Variants in ELMO1 observed in about 807,000 individuals in gnomAD.
ELMO1 encodes engulfment and cell motility 1.
ELMO1 carries 26 observed loss-of-function variants against 98.9 expected under a neutral mutation model. That is an observed-to-expected ratio of 0.26 (90% CI 0.19 to 0.36). The LOEUF is 0.36. Among genes scored for constraint, ELMO1 ranks in the 10% least tolerant of loss-of-function variants. The pLI is 1.00. For synonymous variants in ELMO1, 346 were observed against 346.0 expected (o/e 1.00, Z 0.00); for missense variants, 627 against 935.2 (o/e 0.67, Z 4.30).
chr7:36,869,104 T>C (rs1443272092), intron 20 of ELMO1, among the ~76,000 whole-genome samples: 1 of 152,214 alleles, frequency 6.6e-6, no homozygotes, highest in Non-Finnish European at 1.5e-5. Context: ...TGTCTCCCCA[T>C]AGCATGGAGA....
intron 6 of ELMO1, among the ~76,000 whole-genome samples, chr7:37,245,589 C>T (rs1390234526): frequency 1.3e-5 from 2 of 152,220 alleles, no homozygotes; most frequent in South Asian, 4.1e-4. Context: ...TTTACTATTT[C>T]CCATCCTTCC....
At chr7:36,986,167 T>G (rs974962980) in intron 16 of ELMO1, 2 of 985,778 alleles carry the variant, frequency 2.0e-6, no homozygotes, top group Non-Finnish European at 2.4e-6. Context: ...CTTATGTTTA[T>G]GGAGCTGGAG....
intron 16 of ELMO1, among the ~76,000 whole-genome samples, chr7:36,943,022 T>G (rs548251298): frequency 5.4e-4 from 83 of 152,304 alleles, no homozygotes; most frequent in Middle Eastern, 3.4e-3. Context: ...CAGGCTGGCA[T>G]GTGGGACAGT....
intron 16 of ELMO1, among the ~76,000 whole-genome samples, chr7:36,933,403 C>G (rs1035851118): frequency 3.3e-5 from 5 of 152,366 alleles, no homozygotes; most frequent in African/African-American, 1.2e-4. Context: ...TACATCTGCA[C>G]TCTTATCTTG....
intron 15 of ELMO1, among the ~76,000 whole-genome samples, chr7:37,068,796 G>A (rs1439795814): frequency 6.6e-6 from 1 of 152,084 alleles, no homozygotes; most frequent in Non-Finnish European, 1.5e-5. Flanking sequence ...ATCCCCTTTA[G>A]GAGGTCTGGG....
chr7:37,302,266 G>A (rs1184497095), intron 4 of ELMO1, among the ~76,000 whole-genome samples: 1 of 152,170 alleles, frequency 6.6e-6, no homozygotes, highest in African/African-American at 2.4e-5. Context: ...CCATAGCTGG[G>A]ACAACAGGTG....
At chr7:37,388,461 G>C (rs1802912271) in intron 1 of ELMO1, among the ~76,000 whole-genome samples, 2 of 149,130 alleles carry the variant, frequency 1.3e-5, no homozygotes, top group Admixed American at 6.7e-5. Flanking sequence ...ACATTTCAAA[G>C]AATGACATTT....
intron 18 of ELMO1, among the ~76,000 whole-genome samples, chr7:36,881,579 G>A (rs1322849510): frequency 6.6e-6 from 1 of 152,112 alleles, no homozygotes; most frequent in East Asian, 1.9e-4. Context: ...TTACTAATGA[G>A]AGTACGTTAA....
intron 2 of ELMO1, among the ~76,000 whole-genome samples, chr7:37,328,826 C>T (rs1449462842): frequency 6.6e-6 from 1 of 152,212 alleles, no homozygotes; most frequent in East Asian, 1.9e-4. Flanking sequence ...CTGTCTCAGA[C>T]CATTTCAACC....
intron 1 of ELMO1, among the ~76,000 whole-genome samples, chr7:37,389,789 G>A (rs911802998): frequency 9.9e-5 from 15 of 151,982 alleles, no homozygotes; most frequent in Admixed American, 4.6e-4. Flanking sequence ...TCTACCTAGG[G>A]GTATGCGTAA....
chr7:37,386,147 A>G (rs1802793233), intron 1 of ELMO1, among the ~76,000 whole-genome samples: 1 of 152,236 alleles, frequency 6.6e-6, no homozygotes, highest in Non-Finnish European at 1.5e-5. Flanking sequence ...TCCTTGAGGA[A>G]TTAGCATACT....
intron 16 of ELMO1, among the ~76,000 whole-genome samples, chr7:36,969,758 G>A (rs1789757551): frequency 6.6e-6 from 1 of 152,096 alleles, no homozygotes; most frequent in Non-Finnish European, 1.5e-5. Context: ...TCAAAAGGTG[G>A]CTACATCTAG....
chr7:36,934,477 T>G (rs1052022327), intron 16 of ELMO1, among the ~76,000 whole-genome samples: 1 of 129,666 alleles, frequency 7.7e-6, no homozygotes, highest in Non-Finnish European at 1.7e-5. Context: ...CCCAGGGAAA[T>G]GGGAACCCTC....
chr7:37,196,670 T>C lies in ELMO1; in HGVS notation c.1086+14716A>G, dbSNP rs79325601. Among the ~76,000 whole-genome samples, 33 of 152,338 alleles carry C rather than the reference T, an allele frequency of 2.2e-4. No homozygotes were observed. In the East Asian group the frequency reaches 5.6e-3, roughly 26 times the overall value. On this transcript the variant is annotated intron_variant, in intron 13 of 21. Transcript: ENST00000310758. ...CATCTATTTCACTGCCTTGCTCCCATGAGTGTCTGAACCTGCGACTAAACA... is the reference window on the plus strand; with the variant it reads ...CATCTATTTCACTGCCTTGCTCCCACGAGTGTCTGAACCTGCGACTAAACA...
chr7:37,320,588 T>C lies in ELMO1; in HGVS notation c.79-4628A>G, dbSNP rs149344919. Among the ~76,000 whole-genome samples the C allele has an allele frequency of 1.1e-4, 17 of 152,308 alleles. No homozygotes were observed. In the East Asian group the frequency reaches 2.9e-3, roughly 26 times the overall value. ...CCCTTATCTCCCTAAATAGATGTAA[T>C]TACTCCCTCTGTGTACTTAGCACAT... On this transcript the variant is annotated intron_variant, in intron 2 of 21. Transcript: ENST00000310758.
Position 37,420,559 on chromosome 7 carries a change from T to C in ELMO1, c.-74+28116A>G, listed in dbSNP as rs118073621. 5.1e-3 allele frequency among the ~76,000 whole-genome samples: 779 copies of C among 152,326 alleles called. 3 individuals carry two copies. Among genetic ancestry groups the C allele is most frequent in the Admixed American group, 0.014 (211 of 15,306 alleles). On this transcript the variant is annotated intron_variant, in intron 1 of 21. Transcript: ENST00000310758. ...TCCACAAGCACAGAGCTAAACTACATTGCCTGGCCTTTCCTGCGTGTGCCA... is the reference window on the plus strand; with the variant it reads ...TCCACAAGCACAGAGCTAAACTACACTGCCTGGCCTTTCCTGCGTGTGCCA...
chr7:37,103,193 T>G (rs554148587), intron 14 of ELMO1, among the ~76,000 whole-genome samples: 1 of 152,342 alleles, frequency 6.6e-6, no homozygotes, highest in South Asian at 2.1e-4. Context: ...TCCAAGGTAT[T>G]ACTATTTGCA....
chr7:37,361,795 TA>T (rs1267866617), intron 1 of ELMO1, among the ~76,000 whole-genome samples: 2 of 148,478 alleles, frequency 1.3e-5, no homozygotes, highest in Non-Finnish European at 3.0e-5. Flanking sequence ...CCTGTTTCTA[TA>T]AAAAAGACAA....
chr7:37,254,906 C>A (rs1206094781), intron 6 of ELMO1, among the ~76,000 whole-genome samples: 1 of 152,202 alleles, frequency 6.6e-6, no homozygotes, highest in East Asian at 1.9e-4. Context: ...AGACAGAATT[C>A]AGACCTGCTG....
Sources: gnomAD v4.1 joint callset for allele counts (sites outside exome capture counted in the v4.1 genomes callset) on GRCh38, gnomAD v4.1.1 for gene constraint, MANE v1.5 for transcripts, NCBI Gene and HGNC (gene_info 2026-07-23, HGNC 2026-07-21) for gene names.